The following KIF26B variants were observed in gnomAD, a reference collection of about 807,000 sequenced individuals.
KIF26B encodes the protein kinesin-like protein KIF26B.
Under a neutral mutation model 151.2 loss-of-function variants are expected in KIF26B, and 63 were observed. The observed-to-expected ratio is 0.42, with a 90% CI of 0.34 to 0.51. KIF26B has a LOEUF of 0.51. Among genes scored for constraint, KIF26B ranks in the 20% least tolerant of loss-of-function variants. The pLI is 0.07. For missense variants in KIF26B, 2,813 were observed against 2,913.6 expected (o/e 0.97, Z 0.79); for synonymous variants, 1,357 against 1,262.1 (o/e 1.08, Z -1.59).
At chr1:245,304,439 C>A (rs527855874) in intron 2 of KIF26B, among the ~76,000 whole-genome samples, 92 of 152,302 alleles carry the variant, frequency 6.0e-4, no homozygotes, top group African/African-American at 2.2e-3. Flanking sequence ...ACCAATGAAA[C>A]AAAATGCAGT....
chr1:245,690,062 AAGAC>A (rs1463147208), intron 12 of KIF26B, among the ~76,000 whole-genome samples: 6 of 152,104 alleles, frequency 3.9e-5, no homozygotes, highest in Non-Finnish European at 7.4e-5. Flanking sequence ...AGGAGAGAAA[AAGAC>A]AGACAGAGGC....
chr1:245,273,084 G>A (rs1670879610), intron 2 of KIF26B, among the ~76,000 whole-genome samples: 1 of 151,620 alleles, frequency 6.6e-6, no homozygotes, highest in African/African-American at 2.4e-5. Flanking sequence ...TTAGCCTTTT[G>A]TTTGGCTGAC....
chr1:245,342,914 C>T (rs997797170), intron 2 of KIF26B, among the ~76,000 whole-genome samples: 2 of 151,964 alleles, frequency 1.3e-5, no homozygotes, highest in Admixed American at 6.6e-5. Context: ...GGTGAAACCC[C>T]GTCTCTGCTA....
chr1:245,635,611 C>T (rs966311992), intron 9 of KIF26B, among the ~76,000 whole-genome samples: 3 of 150,722 alleles, frequency 2.0e-5, no homozygotes, highest in South Asian at 2.1e-4. Context: ...TTTTCTGTTT[C>T]GTTGATTTCT....
chr1:245,699,620 TC>T (rs1291454008), intron 14 of KIF26B, among the ~76,000 whole-genome samples: 1 of 151,970 alleles, frequency 6.6e-6, no homozygotes, highest in African/African-American at 2.4e-5. Context: ...AATTGTCTTG[TC>T]TTATTAGTTC....
intron 2 of KIF26B, among the ~76,000 whole-genome samples, chr1:245,193,766 C>T (rs892148355): frequency 6.6e-6 from 1 of 152,208 alleles, no homozygotes; most frequent in Non-Finnish European, 1.5e-5. Flanking sequence ...GTCGCCAGAG[C>T]GTCCCTCCAC....
chr1:245,540,981 C>T lies in KIF26B; in HGVS notation c.1350+31C>T, dbSNP rs1661606902. The T allele has an allele frequency of 3.2e-6, 5 of 1,580,900 alleles. No homozygotes were observed. In the Admixed American group the frequency reaches 8.7e-5, roughly 28 times the overall value. On this transcript the variant is annotated intron_variant, in intron 5 of 14. Transcript: ENST00000407071. The surrounding 1 kb of genome is among the most constrained non-coding windows in gnomAD (Gnocchi z 4.6). Reference sequence around the variant, plus strand: ...ACCATCCGCCGTCCCTGCCATTTGCCCAGTGTGCGAGGTTCTGGATCAAGT... The same window carrying T: ...ACCATCCGCCGTCCCTGCCATTTGCTCAGTGTGCGAGGTTCTGGATCAAGT...
intron 2 of KIF26B, among the ~76,000 whole-genome samples, chr1:245,204,437 G>A (rs1275445084): frequency 1.3e-5 from 2 of 151,304 alleles, no homozygotes; most frequent in Admixed American, 6.6e-5. Context: ...GCAGTGGTGC[G>A]ATCTCGGCTC....
intron 4 of KIF26B, among the ~76,000 whole-genome samples, chr1:245,425,756 T>G (rs1658631565): frequency 6.6e-6 from 1 of 152,220 alleles, no homozygotes; most frequent in Admixed American, 6.5e-5. Context: ...TTCATCTACA[T>G]TCAGAGCAAG....
At chr1:245,685,019 G>C (rs1417380545) in intron 11 of KIF26B, among the ~76,000 whole-genome samples, 1 of 151,812 alleles carries the variant, frequency 6.6e-6, no homozygotes, top group African/African-American at 2.4e-5. Context: ...CAGCTGCTGA[G>C]GTGGGGGCCT....
At chr1:245,325,841 G>A (rs1207156179) in intron 2 of KIF26B, among the ~76,000 whole-genome samples, 1 of 152,162 alleles carries the variant, frequency 6.6e-6, no homozygotes, top group Non-Finnish European at 1.5e-5. Context: ...GGCGGAGGGG[G>A]GGTGGTATTG....
At chr1:245,453,929 A>G (rs566579429) in intron 4 of KIF26B, among the ~76,000 whole-genome samples, 2 of 152,332 alleles carry the variant, frequency 1.3e-5, no homozygotes, top group African/African-American at 4.8e-5. Context: ...TAAAAATTAT[A>G]GTCAATATTC....
chr1:245,706,162 C>T lies in KIF26B; in HGVS notation c.*3556C>T, dbSNP rs1199204902. Reference sequence around the variant, plus strand: ...TGAAGTCTATTATGTTCTTATAAGGCGGTAGTGACTTCAGTCCAGCCGCAT... The same window carrying T: ...TGAAGTCTATTATGTTCTTATAAGGTGGTAGTGACTTCAGTCCAGCCGCAT... On this transcript the variant is annotated 3_prime_UTR_variant, in exon 15 of 15. Transcript: ENST00000407071. The T allele has an allele frequency of 6.6e-6, 1 of 152,138 alleles. No individual in the cohort carries two copies. 9.4% of individuals were successfully genotyped at this position (152,138 alleles called of 1,614,324 possible). A position where few individuals can be genotyped will look rare whatever the true frequency, so the allele number is the denominator to read the frequency against.
intron 4 of KIF26B, among the ~76,000 whole-genome samples, chr1:245,455,779 C>A (rs965424057): frequency 6.6e-6 from 1 of 152,144 alleles, no homozygotes; most frequent in African/African-American, 2.4e-5. Flanking sequence ...CTGCCAGCAC[C>A]CCTGAGGCCA....
intron 2 of KIF26B, among the ~76,000 whole-genome samples, chr1:245,284,129 C>G (rs1362891158): frequency 6.6e-6 from 1 of 152,180 alleles, no homozygotes; most frequent in Non-Finnish European, 1.5e-5. Context: ...AGTTTTTTAA[C>G]CACATATTAA....
In KIF26B at chr1:245,687,241, T is replaced by C. The variant is rs1220419725; in HGVS notation, c.4258T>C (p.Leu1420=). ...PTATPKAGPT[L]AQSRESKENS... is the part of the protein sequence containing the mutation. The stretch of plus-strand genomic sequence containing the variant: ...CGCCACCCCCAAAGCAGGCCCCACA[T>C]TAGCCCAGTCCCGGGAGAGTAAGGA... The change falls in exon 12 of 15, where the codon TTA becomes CTA. Residue 1420 remains leucine, a synonymous_variant. Transcript: ENST00000407071. This position sits in a 1 kb window ranked among gnomAD's most constrained non-coding sequence, Gnocchi z 4.9. 2 of 1,611,340 alleles carry C rather than the reference T, an allele frequency of 1.2e-6. No homozygotes were observed. The highest frequency in any genetic ancestry group is 1.7e-6 in the Non-Finnish European group (2 of 1,178,824).
At chr1:245,532,384 T>G (rs1661390497) in intron 4 of KIF26B, among the ~76,000 whole-genome samples, 1 of 151,700 alleles carries the variant, frequency 6.6e-6, no homozygotes, top group Non-Finnish European at 1.5e-5. Flanking sequence ...TAGCTGGGAC[T>G]ACAGGCGCCC....
At position 245,673,050 on chromosome 1, in the gene KIF26B, C is replaced by T. The variant is rs558941878; in HGVS notation, c.2259-11183C>T. Among the ~76,000 whole-genome samples the T allele has an allele frequency of 2.0e-5, 3 of 151,110 alleles. No individual in the cohort carries two copies. In the East Asian group the frequency reaches 5.9e-4, roughly 30 times the overall value. On this transcript the variant is annotated intron_variant, in intron 10 of 14. Transcript: ENST00000407071. ...CGCGCTGCCATCTTAGGCCCAGTCCCCACTGCACGCTGTCATCTTAGGCCC... is the reference window on the plus strand; with the variant it reads ...CGCGCTGCCATCTTAGGCCCAGTCCTCACTGCACGCTGTCATCTTAGGCCC...
At chr1:245,184,868 C>T (rs952449460) in intron 2 of KIF26B, among the ~76,000 whole-genome samples, 3 of 152,146 alleles carry the variant, frequency 2.0e-5, no homozygotes, top group Admixed American at 2.0e-4. Context: ...AGATGGTAGA[C>T]AGAGGTTTAT....
Sources: allele counts gnomAD v4.1 joint callset (sites outside exome capture counted in the v4.1 genomes callset), GRCh38; gene constraint gnomAD v4.1.1; non-coding constraint Gnocchi (gnomAD v3.1); transcripts MANE v1.5; gene names NCBI Gene and HGNC (gene_info 2026-07-23, HGNC 2026-07-21).